Variants in FGF12 observed in about 807,000 individuals in gnomAD.
The protein encoded by FGF12 is fibroblast growth factor 12.
FGF12 carries 14 observed loss-of-function variants against 23.6 expected under a neutral mutation model. The observed-to-expected ratio is 0.59, with a 90% CI of 0.39 to 0.93. The LOEUF (loss-of-function observed/expected upper bound fraction) is 0.93, where lower values mean the gene tolerates loss of function less well. Ranked by LOEUF, FGF12 falls within the 40% of genes least tolerant of loss-of-function variation. The pLI is 0.00. For synonymous variants in FGF12, 62 were observed against 77.3 expected, an observed-to-expected ratio of 0.80 and a Z score of 1.04; for missense variants, 175 against 217.8, an observed-to-expected ratio of 0.80 and a Z score of 1.24.
At chr3:192,411,982 T>A (rs1721213922) in intron 2 of FGF12, among the ~76,000 whole-genome samples, 1 of 151,738 alleles carries the variant, frequency 6.6e-6, no homozygotes, top group Non-Finnish European at 1.5e-5. Context: ...AGAAAATGCA[T>A]GAGATTCACC....
chr3:192,401,743 C>A (rs957429490), intron 2 of FGF12, among the ~76,000 whole-genome samples: 27 of 152,138 alleles, frequency 1.8e-4, no homozygotes, highest in African/African-American at 6.0e-4. Flanking sequence ...GCGGTTCTTG[C>A]CAAACTTTCC....
intron 4 of FGF12, among the ~76,000 whole-genome samples, chr3:192,248,268 A>G (rs1354969134): frequency 1.3e-5 from 2 of 152,238 alleles, no homozygotes; most frequent in Admixed American, 6.5e-5. Flanking sequence ...ACCATGGAGA[A>G]CAACCTTGAC....
At chr3:192,483,213 G>A (rs1723530051) in intron 2 of FGF12, among the ~76,000 whole-genome samples, 1 of 151,968 alleles carries the variant, frequency 6.6e-6, no homozygotes, top group Non-Finnish European at 1.5e-5. Context: ...ATCTACCTAT[G>A]TCTTTTAATA....
chr3:192,430,272 C>A (rs7622845), intron 2 of FGF12, among the ~76,000 whole-genome samples: 9,240 of 152,038 alleles, frequency 0.061, 944 homozygotes, highest in African/African-American at 0.21. Context: ...CACAAAAAGG[C>A]AAACACTGTA....
intron 2 of FGF12, among the ~76,000 whole-genome samples, chr3:192,693,121 A>G (rs1190388023): frequency 6.6e-6 from 1 of 152,150 alleles, no homozygotes; most frequent in South Asian, 2.1e-4. Context: ...ACAAAAATCA[A>G]TTGTATATCT....
intron 2 of FGF12, among the ~76,000 whole-genome samples, chr3:192,571,930 A>G (rs888254741): frequency 6.9e-6 from 1 of 144,362 alleles, no homozygotes; most frequent in Admixed American, 6.9e-5. Context: ...AGTGGTCCTT[A>G]GCACTATTGC....
intron 2 of FGF12, among the ~76,000 whole-genome samples, chr3:192,614,983 T>C (rs1714693891): frequency 6.6e-6 from 1 of 151,966 alleles, no homozygotes; most frequent in Non-Finnish European, 1.5e-5. Flanking sequence ...TAAAATCATC[T>C]TGACCAGATC....
intron 2 of FGF12, among the ~76,000 whole-genome samples, chr3:192,632,129 C>T (rs557360412): frequency 1.6e-4 from 25 of 152,306 alleles, no homozygotes; most frequent in African/African-American, 6.0e-4. Flanking sequence ...TTCCATATTA[C>T]ACTTACGATG....
chr3:192,556,066 C>T (rs529234098), intron 2 of FGF12, among the ~76,000 whole-genome samples: 4 of 151,250 alleles, frequency 2.6e-5, no homozygotes, highest in African/African-American at 9.7e-5. Context: ...AAAAAAAAAT[C>T]AACAAAACAC....
At chr3:192,639,655 G>A (rs906586819) in intron 2 of FGF12, among the ~76,000 whole-genome samples, 2 of 152,174 alleles carry the variant, frequency 1.3e-5, no homozygotes, top group African/African-American at 4.8e-5. Context: ...GGAAACATTT[G>A]AGACAAAAAC....
At chr3:192,327,678 C>A (rs914900516) in intron 4 of FGF12, among the ~76,000 whole-genome samples, 1 of 151,718 alleles carries the variant, frequency 6.6e-6, no homozygotes, top group Non-Finnish European at 1.5e-5. Flanking sequence ...CCTAGTTATG[C>A]GTTCTAGACA....
At chr3:192,356,527 C>T (rs1308195746) in intron 3 of FGF12, among the ~76,000 whole-genome samples, 2 of 152,168 alleles carry the variant, frequency 1.3e-5, no homozygotes, top group African/African-American at 4.8e-5. Context: ...AGTGTTCCAA[C>T]ACAGTTTTGT....
intron 2 of FGF12, among the ~76,000 whole-genome samples, chr3:192,563,521 G>GA (rs1280326955): frequency 6.6e-6 from 1 of 152,010 alleles, no homozygotes; most frequent in Admixed American, 6.5e-5. Flanking sequence ...CCCTAAAGAG[G>GA]AAAAAAATCA....
intron 2 of FGF12, among the ~76,000 whole-genome samples, chr3:192,490,155 GAA>G (rs1445281479): frequency 6.6e-6 from 1 of 151,798 alleles, no homozygotes; most frequent in Non-Finnish European, 1.5e-5. Context: ...GACTTCTAAA[GAA>G]AAGTCTCACC....
chr3:192,269,632 G>A (rs1416043473), intron 4 of FGF12, among the ~76,000 whole-genome samples: 6 of 152,288 alleles, frequency 3.9e-5, no homozygotes, highest in African/African-American at 1.4e-4. Context: ...ATTATGACTA[G>A]TTATTTAGTT....
chr3:192,653,764 G>T (rs1716298070), intron 2 of FGF12, among the ~76,000 whole-genome samples: 1 of 150,110 alleles, frequency 6.7e-6, no homozygotes, highest in Admixed American at 6.7e-5. Context: ...GCCCAGGCTG[G>T]AGTGCAGTGG....
intron 2 of FGF12, among the ~76,000 whole-genome samples, chr3:192,642,828 A>ATCAC (rs1229334423): frequency 6.6e-6 from 1 of 152,246 alleles, no homozygotes; most frequent in African/African-American, 2.4e-5. Flanking sequence ...GATGAAGCAC[A>ATCAC]TCACTGCTCT....
chr3:192,547,271 G>A (rs983502627), intron 2 of FGF12, among the ~76,000 whole-genome samples: 1 of 152,146 alleles, frequency 6.6e-6, no homozygotes, highest in Non-Finnish European at 1.5e-5. Context: ...CAGTGTAAAT[G>A]TATCCATCAG....
At chr3:192,707,662 C>T (rs1242905946) in intron 2 of FGF12, among the ~76,000 whole-genome samples, 2 of 134,584 alleles carry the variant, frequency 1.5e-5, no homozygotes, top group Admixed American at 8.5e-5. Context: ...AGGAGAATCG[C>T]TTGAACTTGG....
Sources: gnomAD v4.1 joint callset for allele counts (sites outside exome capture counted in the v4.1 genomes callset) on GRCh38, gnomAD v4.1.1 for gene constraint, MANE v1.5 for transcripts, NCBI Gene and HGNC (gene_info 2026-07-23, HGNC 2026-07-21) for gene names.